GALK2: variants seen among roughly 807,000 people sequenced by gnomAD.
GALK2 encodes N-acetylgalactosamine kinase.
A neutral mutation model predicts 52.4 loss-of-function variants in GALK2; 36 were observed. The observed-to-expected ratio is 0.69, with a 90% CI of 0.53 to 0.91. The LOEUF (loss-of-function observed/expected upper bound fraction) is 0.91, where lower values mean the gene tolerates loss of function less well. GALK2 is among the 40% of genes least tolerant of loss of function. GALK2 has a pLI of 0.00. For synonymous variants in GALK2, 176 were observed against 199.1 expected (o/e 0.88, Z 0.98); for missense variants, 579 against 559.1 (o/e 1.04, Z -0.36).
At chr15:49,339,184 T>C (rs539890048) in intron 3 of GALK2, among the ~76,000 whole-genome samples, 1 of 152,110 alleles carries the variant, frequency 6.6e-6, no homozygotes, top group South Asian at 2.1e-4. Context: ...TGGCAAGGAG[T>C]TGTGATTCTT....
intron 1 of GALK2, among the ~76,000 whole-genome samples, chr15:49,181,637 G>A (rs571273618): frequency 6.7e-6 from 1 of 150,218 alleles, no homozygotes; most frequent in East Asian, 2.0e-4. Flanking sequence ...TCAGCCTCCC[G>A]AGTAGCTGGG....
chr15:49,175,525 C>T (rs1335929597), intron 1 of GALK2, among the ~76,000 whole-genome samples: 1 of 152,118 alleles, frequency 6.6e-6, no homozygotes, highest in Non-Finnish European at 1.5e-5. Context: ...AATGGGAATG[C>T]TTCTAATATT....
chr15:49,228,674 T>TAC (rs1566957815), intron 3 of GALK2, among the ~76,000 whole-genome samples: 3 of 13,156 alleles, frequency 2.3e-4, no homozygotes, highest in Non-Finnish European at 5.3e-4. Flanking sequence ...TATATATATA[T>TAC]ATATATATAT....
At chr15:49,155,824 G>T in exon 1 of GALK2, 2 of 743,302 alleles carry the variant, frequency 2.7e-6, no homozygotes, top group South Asian at 3.5e-5. Flanking sequence ...ACATCGTCCG[G>T]TGCTGCAGGT....
intron 8 of GALK2, among the ~76,000 whole-genome samples, chr15:49,300,737 G>A (rs190503421): frequency 1.3e-4 from 20 of 152,202 alleles, no homozygotes; most frequent in African/African-American, 4.8e-4. Flanking sequence ...ACTTCTCCTT[G>A]CTGCCACCAT....
At chr15:49,349,905 GA>G (rs1381379569) in intron 3 of GALK2, among the ~76,000 whole-genome samples, 5 of 151,870 alleles carry the variant, frequency 3.3e-5, no homozygotes, top group South Asian at 2.1e-4. Flanking sequence ...AATGAAAGGG[GA>G]AAAAAAATCC....
chr15:49,194,652 A>G (rs1247378683), intron 1 of GALK2, among the ~76,000 whole-genome samples: 1 of 148,114 alleles, frequency 6.8e-6, no homozygotes, highest in Non-Finnish European at 1.5e-5. Flanking sequence ...CTGGAGTGCA[A>G]TGGTGCAATC....
intron 1 of GALK2, among the ~76,000 whole-genome samples, chr15:49,175,475 A>C (rs1201828967): frequency 6.6e-6 from 1 of 152,168 alleles, no homozygotes; most frequent in Non-Finnish European, 1.5e-5. Context: ...AGTCCCCCTT[A>C]CCTGATAAAG....
In GALK2 at chr15:49,362,178, C is replaced by A. The variant is rs149546610; in HGVS notation, c.427-5313C>A. On this transcript the variant is annotated intron_variant, in intron 3 of 3. Transcript: ENST00000558399. Reference sequence around the variant, plus strand: ...CCCAAATCTCATGTTGAATTGTAATCCCCATGTGTTGGGGGAGGGTCCTGG... The same window carrying A: ...CCCAAATCTCATGTTGAATTGTAATACCCATGTGTTGGGGGAGGGTCCTGG... Among the ~76,000 whole-genome samples the A allele has an allele frequency of 1.9e-3, 290 of 152,162 alleles. 3 individuals carry two copies. Among genetic ancestry groups the A allele is most frequent in the Middle Eastern group, 0.014 (4 of 294 alleles).
rs1372546764 is a variant in GALK2 at position 49,330,843 on chromosome 15, A to G, written c.*2684A>G. ...GTGGCATGTGCCTGCTGTCCCAGCT[A>G]CTCAGGAGGCTGAGGCAGGAGGATC... On this transcript the variant is annotated 3_prime_UTR_variant, in exon 10 of 10. Coordinates refer to ENST00000560031, the MANE Select transcript of GALK2 (RefSeq NM_002044.4). 2 of 152,090 alleles carry G rather than the reference A, an allele frequency of 1.3e-5. No homozygotes were observed. The highest frequency in any genetic ancestry group is 4.8e-5 in the African/African-American group (2 of 41,404). 9.4% of individuals were successfully genotyped at this position (152,090 alleles called of 1,614,324 possible).
intron 5 of GALK2, among the ~76,000 whole-genome samples, chr15:49,274,500 G>A (rs1001192391): frequency 6.6e-5 from 10 of 152,190 alleles, no homozygotes; most frequent in African/African-American, 1.7e-4. Flanking sequence ...ATGTGAAGGC[G>A]CAGGACATGA....
chr15:49,362,391 G>A (rs950910068), intron 3 of GALK2, among the ~76,000 whole-genome samples: 1 of 152,140 alleles, frequency 6.6e-6, no homozygotes, highest in African/African-American at 2.4e-5. Context: ...AGGCTCCCCA[G>A]TCATGCTTCC....
chr15:49,225,553 A>G (rs565399281), intron 3 of GALK2, among the ~76,000 whole-genome samples: 39 of 152,250 alleles, frequency 2.6e-4, no homozygotes, highest in Admixed American at 2.4e-3. Flanking sequence ...CTCCTCCCCA[A>G]CATACACCAT....
intron 1 of GALK2, among the ~76,000 whole-genome samples, chr15:49,186,331 G>T (rs1157813626): frequency 6.6e-6 from 1 of 151,702 alleles, no homozygotes; most frequent in East Asian, 1.9e-4. Flanking sequence ...CTCTCACTGT[G>T]TATTTTCAAA....
intron 1 of GALK2, among the ~76,000 whole-genome samples, chr15:49,194,586 T>C (rs2087048451): frequency 6.6e-6 from 1 of 152,000 alleles, no homozygotes; most frequent in Non-Finnish European, 1.5e-5. Flanking sequence ...TGTTACATAT[T>C]TGTTTTTCTT....
At position 49,328,600 on chromosome 15, in the gene GALK2, C is replaced by G; in HGVS notation, c.*441C>G. 6.3e-7 allele frequency: 1 copy of G among 1,595,558 alleles called. No individual in the cohort carries two copies. The highest frequency in any genetic ancestry group is 8.6e-7 in the Non-Finnish European group (1 of 1,167,948). On this transcript the variant is annotated 3_prime_UTR_variant, in exon 10 of 10. Transcript: ENST00000560031. ...TCTTCTTCCTCAAAGTTGTAGTTGTCTGTTGATGATGGTGATGATGATGAT... is the reference window on the plus strand; with the variant it reads ...TCTTCTTCCTCAAAGTTGTAGTTGTGTGTTGATGATGGTGATGATGATGAT...
intron 2 of GALK2, among the ~76,000 whole-genome samples, chr15:49,209,864 A>G (rs2088667201): frequency 6.6e-6 from 1 of 152,186 alleles, no homozygotes. Context: ...AGTTTCAAAG[A>G]ATTCCCCGCC....
At chr15:49,319,436 G>A (rs900173363) in intron 8 of GALK2, among the ~76,000 whole-genome samples, 168 bp from the exon 9 acceptor site, 8 of 152,146 alleles carry the variant, frequency 5.3e-5, no homozygotes, top group Admixed American at 1.3e-4. Context: ...CTGACTTGCC[G>A]ATAGACACAT....
chr15:49,342,204 G>C (rs182522872), intron 3 of GALK2, among the ~76,000 whole-genome samples: 4 of 152,080 alleles, frequency 2.6e-5, no homozygotes, highest in African/African-American at 9.7e-5. Flanking sequence ...TATGAATCTG[G>C]GTGATCCAAT....
Sources: allele counts gnomAD v4.1 joint callset (sites outside exome capture counted in the v4.1 genomes callset), GRCh38; gene constraint gnomAD v4.1.1; transcripts MANE v1.5; gene names NCBI Gene and HGNC (gene_info 2026-07-23, HGNC 2026-07-21).